Variants in ZMYM4 observed in about 807,000 individuals in gnomAD.
ZMYM4 encodes zinc finger MYM-type protein 4.
Under a neutral mutation model 183.2 loss-of-function variants are expected in ZMYM4, and 31 were observed. The observed-to-expected ratio is 0.17, with a 90% CI of 0.13 to 0.23. The LOEUF is 0.23. ZMYM4 is among the 10% of genes least tolerant of loss of function. The pLI is 1.00. For missense variants in ZMYM4, 1,273 were observed against 1,840.3 expected, an observed-to-expected ratio of 0.69 and a Z score of 5.64; for synonymous variants, 592 against 631.2, an observed-to-expected ratio of 0.94 and a Z score of 0.93.
chr1:35,307,974 C>T (rs1641618038), intron 1 of ZMYM4, among the ~76,000 whole-genome samples: 1 of 151,926 alleles, frequency 6.6e-6, no homozygotes, highest in South Asian at 2.1e-4. Flanking sequence ...GGATTACAGG[C>T]GCCTGCCACC....
chr1:35,342,319 A>T (rs1048474231), intron 2 of ZMYM4, among the ~76,000 whole-genome samples: 2 of 151,392 alleles, frequency 1.3e-5, no homozygotes, highest in East Asian at 4.0e-4. Flanking sequence ...CATTCCTGGC[A>T]ATTTTTTTTA....
At chr1:35,409,692 A>G (rs1639795575) in intron 26 of ZMYM4, among the ~76,000 whole-genome samples, 1 of 152,266 alleles carries the variant, frequency 6.6e-6, no homozygotes, top group Admixed American at 6.5e-5. Context: ...CTGTAATCCC[A>G]GCACTTTGGG....
At chr1:35,277,142 TTTAG>T (rs1639917251) in intron 1 of ZMYM4, among the ~76,000 whole-genome samples, 1 of 152,136 alleles carries the variant, frequency 6.6e-6, no homozygotes, top group South Asian at 2.1e-4. Flanking sequence ...CTGGAGAGCT[TTTAG>T]TTATCCTGAT....
intron 2 of ZMYM4, among the ~76,000 whole-genome samples, chr1:35,338,443 C>CT (rs1269640182): frequency 1.3e-5 from 2 of 152,032 alleles, no homozygotes; most frequent in Non-Finnish European, 2.9e-5. Flanking sequence ...AGAGGGCTGA[C>CT]TTTTTTTTCA....
At chr1:35,400,860 T>C (rs183842166) in intron 23 of ZMYM4, among the ~76,000 whole-genome samples, 2 of 152,254 alleles carry the variant, frequency 1.3e-5, no homozygotes, top group African/African-American at 4.8e-5. Flanking sequence ...AATGGAATCC[T>C]ATAATATGTA....
At chr1:35,387,657 G>A in intron 13 of ZMYM4, 53 bp downstream of exon 13, 2 of 1,537,846 alleles carry the variant, frequency 1.3e-6, no homozygotes, top group Non-Finnish European at 1.7e-6. Flanking sequence ...TTTTAAAGCA[G>A]TTGATGATGA....
intron 2 of ZMYM4, among the ~76,000 whole-genome samples, chr1:35,343,502 A>G (rs1409009295): frequency 6.6e-6 from 1 of 151,922 alleles, no homozygotes; most frequent in Non-Finnish European, 1.5e-5. Context: ...GGACTTTTCT[A>G]TTCCACAAAT....
At chr1:35,366,459 T>C (rs1644082490) in intron 5 of ZMYM4, among the ~76,000 whole-genome samples, 1 of 152,092 alleles carries the variant, frequency 6.6e-6, no homozygotes, top group Non-Finnish European at 1.5e-5. Flanking sequence ...GAAAAAATAA[T>C]GGAAAAAGGG....
intron 1 of ZMYM4, among the ~76,000 whole-genome samples, chr1:35,276,252 CTCCCTCCCTCCT>C (rs890240788): frequency 8.9e-5 from 13 of 146,248 alleles, no homozygotes; most frequent in Admixed American, 8.1e-4. Context: ...CTGTCCCTCC[CTCCCTCCCTCCT>C]TCCCTCCCTC....
At chr1:35,318,751 C>T (rs1249739039) in intron 1 of ZMYM4, among the ~76,000 whole-genome samples, 1 of 152,080 alleles carries the variant, frequency 6.6e-6, no homozygotes, top group East Asian at 1.9e-4. Flanking sequence ...TACCACTGTG[C>T]CCAGCCATAC....
At position 35,359,059 on chromosome 1, in the gene ZMYM4, T is replaced by C; in HGVS notation, c.220T>C (p.Leu74=). 6.2e-7 allele frequency: 1 copy of C among 1,613,808 alleles called. No homozygotes were observed. Among genetic ancestry groups the C allele is most frequent in the Admixed American group, 1.7e-5 (1 of 60,014 alleles). The change falls in exon 3 of 30, where the codon TTG becomes CTG. Residue 74 remains leucine, a synonymous_variant. Coordinates refer to ENST00000314607, the MANE Select transcript of ZMYM4 (RefSeq NM_005095.3). The part of the protein sequence containing the change: ...NSLLDEDDYF[L]NSGDLAGIPV... ...ATTGCTGGATGAAGATGATTATTTT[T>C]TGAACTCTGGGGATCTTGCAGGAAT...
At chr1:35,311,570 A>T (rs1054839697) in intron 1 of ZMYM4, among the ~76,000 whole-genome samples, 1 of 151,970 alleles carries the variant, frequency 6.6e-6, no homozygotes, top group African/African-American at 2.4e-5. Context: ...GTACCACTGT[A>T]CCCTAGTCTG....
At chr1:35,271,232 T>C (rs1051659178) in intron 1 of ZMYM4, among the ~76,000 whole-genome samples, 1 of 152,176 alleles carries the variant, frequency 6.6e-6, no homozygotes. Context: ...TAGGATGTTC[T>C]AGGATATTCT....
chr1:35,278,865 T>C (rs1414065852), intron 1 of ZMYM4, among the ~76,000 whole-genome samples: 1 of 152,176 alleles, frequency 6.6e-6, no homozygotes. Flanking sequence ...TGTGGACCTG[T>C]GAAACTGGAA....
At chr1:35,382,373 C>A (rs1644483040) in intron 9 of ZMYM4, among the ~76,000 whole-genome samples, 1 of 151,180 alleles carries the variant, frequency 6.6e-6, no homozygotes, top group Non-Finnish European at 1.5e-5. Flanking sequence ...AATATTCATA[C>A]AGAGTTCTAT....
intron 2 of ZMYM4, among the ~76,000 whole-genome samples, chr1:35,349,169 G>A (rs1643503056): frequency 2.6e-5 from 4 of 152,006 alleles, no homozygotes; most frequent in Admixed American, 1.3e-4. Context: ...TGTATTTTTA[G>A]TAGAGACGGG....
intron 1 of ZMYM4, among the ~76,000 whole-genome samples, chr1:35,285,685 A>G (rs1389191524): frequency 6.6e-6 from 1 of 152,106 alleles, no homozygotes; most frequent in Non-Finnish European, 1.5e-5. Context: ...GTATAGGAGG[A>G]TGTGTGTAGG....
intron 10 of ZMYM4, 134 bp downstream of exon 10, chr1:35,385,726 C>A: frequency 9.5e-7 from 1 of 1,056,658 alleles, no homozygotes; most frequent in Non-Finnish European, 1.3e-6. Context: ...AAAATATCAC[C>A]TGTTACCTTG....
In ZMYM4 at chr1:35,296,843, CTTTTTTTTTTT is replaced by C. The variant is rs780202714; in HGVS notation, c.39+27770_39+27780del. 3.7e-4 allele frequency among the ~76,000 whole-genome samples: 35 copies of C among 95,626 alleles called. No homozygotes were observed. The Admixed American group carries it at 4.5e-3, about 12-fold the overall frequency. 62.7% of individuals were successfully genotyped at this position (95,626 alleles called of 152,430 possible). A position where few individuals can be genotyped will look rare whatever the true frequency, so the allele number is the denominator to read the frequency against. On this transcript the variant is annotated intron_variant, in intron 1 of 29. Coordinates refer to ENST00000314607, the MANE Select transcript of ZMYM4 (RefSeq NM_005095.3). Reference sequence around the variant, plus strand: ...ACCTTTTCTTTTTCTTTCTTTCTTTCTTTTTTTTTTTTTTTTTTTTTTGAGATGGGAGTTTC... The same window carrying C: ...ACCTTTTCTTTTTCTTTCTTTCTTTCTTTTTTTTTTTGAGATGGGAGTTTC...
Sources: gnomAD v4.1 joint callset for allele counts (sites outside exome capture counted in the v4.1 genomes callset) on GRCh38, gnomAD v4.1.1 for gene constraint, MANE v1.5 for transcripts, NCBI Gene and HGNC (gene_info 2026-07-23, HGNC 2026-07-21) for gene names.